The following DNAI7 variants were observed in gnomAD, a reference collection of about 807,000 sequenced individuals.
The protein encoded by DNAI7 is dynein axonemal intermediate chain 7, also known as cancer susceptibility 1.
In DNAI7, 78 loss-of-function variants were observed where a neutral mutation model predicts 86.6. That is an observed-to-expected ratio of 0.90 (90% CI 0.75 to 1.09). The LOEUF is 1.09. DNAI7 is among the 50% of genes least tolerant of loss of function. The pLI is 0.00. For synonymous variants in DNAI7, 274 were observed against 273.0 expected, an observed-to-expected ratio of 1.00 and a Z score of -0.04; for missense variants, 753 against 810.2, an observed-to-expected ratio of 0.93 and a Z score of 0.86.
At chr12:25,157,624 A>C (rs1482953606) in intron 4 of DNAI7, among the ~76,000 whole-genome samples, 1 of 152,152 alleles carries the variant, frequency 6.6e-6, no homozygotes, top group Non-Finnish European at 1.5e-5. Flanking sequence ...TGTTAATGTA[A>C]GCAGTTTAAA....
intron 9 of DNAI7, among the ~76,000 whole-genome samples, chr12:25,136,823 T>C (rs765890337): frequency 3.9e-5 from 6 of 152,104 alleles, no homozygotes; most frequent in Non-Finnish European, 8.8e-5. Context: ...CTTCAAAGCT[T>C]GAAGACAAGG....
At chr12:25,181,191 AT>A (rs1245734125) in intron 2 of DNAI7, among the ~76,000 whole-genome samples, 1 of 152,058 alleles carries the variant, frequency 6.6e-6, no homozygotes, top group African/African-American at 2.4e-5. Context: ...GCTTACTGTA[AT>A]CTCAAACTCC....
At chr12:25,124,032 T>TTGTGTCTG (rs1555159115) in intron 9 of DNAI7, among the ~76,000 whole-genome samples, 1 of 144,574 alleles carries the variant, frequency 6.9e-6, no homozygotes, top group Non-Finnish European at 1.5e-5. Flanking sequence ...AGTATAAAAA[T>TTGTGTCTG]TGTGTGTGTG....
intron 2 of DNAI7, among the ~76,000 whole-genome samples, chr12:25,179,743 TAA>T: frequency 6.9e-6 from 1 of 144,444 alleles, no homozygotes; most frequent in African/African-American, 2.5e-5. Flanking sequence ...CTTTCATGAT[TAA>T]AAAAAAAAAC....
At chr12:25,123,071 T>C (rs1941568971) in intron 10 of DNAI7, 140 bp downstream of exon 10, 1 of 593,960 alleles carries the variant, frequency 1.7e-6, no homozygotes, top group Non-Finnish European at 2.9e-6. Flanking sequence ...AACACTGGTA[T>C]CTCAGAAAAG....
At chr12:25,128,470 A>C (rs1049152336) in intron 9 of DNAI7, among the ~76,000 whole-genome samples, 1 of 152,192 alleles carries the variant, frequency 6.6e-6, no homozygotes, top group African/African-American at 2.4e-5. Flanking sequence ...GCTTGATTCC[A>C]GAAGTTCAGA....
At chr12:25,186,608 A>G (rs1950057828) in intron 2 of DNAI7, among the ~76,000 whole-genome samples, 1 of 152,174 alleles carries the variant, frequency 6.6e-6, no homozygotes, top group Non-Finnish European at 1.5e-5. Context: ...AAAAACAGGA[A>G]GTCCTTAGTG....
intron 6 of DNAI7, among the ~76,000 whole-genome samples, chr12:25,152,091 A>C (rs1413543276): frequency 6.6e-6 from 1 of 152,250 alleles, no homozygotes; most frequent in Non-Finnish European, 1.5e-5. Context: ...TGACATAAAA[A>C]GAAATAAATA....
intron 9 of DNAI7, among the ~76,000 whole-genome samples, chr12:25,141,082 A>T (rs1565702725): frequency 6.6e-6 from 1 of 152,218 alleles, no homozygotes; most frequent in South Asian, 2.1e-4. Context: ...CAAAGACTTA[A>T]ATCTAAGACC....
chr12:25,121,493 T>C (rs1256345696), intron 11 of DNAI7, among the ~76,000 whole-genome samples: 1 of 152,178 alleles, frequency 6.6e-6, no homozygotes, highest in Non-Finnish European at 1.5e-5. Flanking sequence ...TAAGACCAAA[T>C]TGGCACTAAC....
chr12:25,134,567 G>A (rs985812809), intron 9 of DNAI7, among the ~76,000 whole-genome samples: 2 of 151,706 alleles, frequency 1.3e-5, no homozygotes, highest in South Asian at 4.2e-4. Flanking sequence ...ATGTTGGCCC[G>A]GCTGATCTCA....
Position 25,161,078 on chromosome 12 carries a change from T to C in DNAI7, c.106+35A>G, listed in dbSNP as rs753310986. ...AGACCAACCTATCGTGACTATTACC[T>C]GTATAGGTAAATAGTATCACTATTT... On this transcript the variant is annotated intron_variant, in intron 3 of 15. Coordinates refer to ENST00000395987, the MANE Select transcript of DNAI7 (RefSeq NM_018272.5). The C allele has an allele frequency of 7.6e-5, 112 of 1,474,638 alleles. 1 individual carries two copies. In the South Asian group the frequency reaches 1.1e-3, roughly 14 times the overall value. The allele number at this position is 1,474,638 out of a possible 1,614,324, so 91.3% of individuals were successfully genotyped here. A position where few individuals can be genotyped will look rare whatever the true frequency, so the allele number is the denominator to read the frequency against.
chr12:25,174,389 G>GATATATATATCATAT (rs374078515), intron 2 of DNAI7, among the ~76,000 whole-genome samples: 34 of 3,160 alleles, frequency 0.011, 13 homozygotes, highest in African/African-American at 0.091. Flanking sequence ...ATATATATGG[G>GATATATATATCATAT]ATATATCATA....
At chr12:25,137,905 A>G (rs1268374020) in intron 9 of DNAI7, among the ~76,000 whole-genome samples, 1 of 152,200 alleles carries the variant, frequency 6.6e-6, no homozygotes, top group South Asian at 2.1e-4. Context: ...AATTACTACT[A>G]GACCTAAGAA....
intron 9 of DNAI7, among the ~76,000 whole-genome samples, chr12:25,138,355 C>T (rs1465509894): frequency 6.6e-6 from 1 of 152,104 alleles, no homozygotes; most frequent in Non-Finnish European, 1.5e-5. Flanking sequence ...TCCAGCTATC[C>T]AGGAGGCTGA....
At chr12:25,114,614 C>T (rs1325272151) in intron 13 of DNAI7, 42 bp downstream of exon 13, 19 of 1,343,462 alleles carry the variant, frequency 1.4e-5, no homozygotes, top group Non-Finnish European at 1.9e-5. Context: ...AAATGGTTTA[C>T]CTCTGATACG....
intron 9 of DNAI7, among the ~76,000 whole-genome samples, chr12:25,139,940 T>C (rs1943985943): frequency 6.6e-6 from 1 of 152,148 alleles, no homozygotes. Context: ...TGGAAGTCAA[T>C]AAATGTGATA....
chr12:25,110,102 T>C (rs1390766047), intron 15 of DNAI7, 25 bp downstream of exon 15: 1 of 1,151,430 alleles, frequency 8.7e-7, no homozygotes, highest in South Asian at 1.3e-5. Flanking sequence ...GACAAAGTAG[T>C]TTTATGGGTT....
intron 9 of DNAI7, among the ~76,000 whole-genome samples, chr12:25,136,411 G>T (rs927230497): frequency 6.6e-6 from 1 of 152,204 alleles, no homozygotes; most frequent in African/African-American, 2.4e-5. Context: ...CTGAAAAGCA[G>T]CCCTTGAGCC....
Sources: gnomAD v4.1 joint callset for allele counts (sites outside exome capture counted in the v4.1 genomes callset) on GRCh38, gnomAD v4.1.1 for gene constraint, MANE v1.5 for transcripts, NCBI Gene and HGNC (gene_info 2026-07-23, HGNC 2026-07-21) for gene names.